The following GPRIN1 variants were observed in gnomAD, a reference collection of about 807,000 sequenced individuals.
GPRIN1 encodes G protein regulated inducer of neurite outgrowth 1.
In GPRIN1, 4 loss-of-function variants were observed where a neutral mutation model predicts 2.8. The ratio of observed to expected loss-of-function variants is 1.45; its 90% CI spans 0.71 to 3.32. GPRIN1 has a LOEUF of 3.32. Ranked by LOEUF, GPRIN1 falls within the 30% of genes most tolerant of loss-of-function variation. The pLI is 0.01. For missense variants in GPRIN1, 1,322 were observed against 1,343.4 expected (o/e 0.98, Z 0.25); for synonymous variants, 589 against 589.9 (o/e 1.00, Z 0.02).
chr5:176,606,902 C>T (rs1021812367), intron 1 of GPRIN1, among the ~76,000 whole-genome samples: 1 of 152,196 alleles, frequency 6.6e-6, no homozygotes, highest in African/African-American at 2.4e-5. Flanking sequence ...GATAACATGC[C>T]CCTTCTGAAA....
intron 1 of GPRIN1, among the ~76,000 whole-genome samples, chr5:176,601,491 A>C (rs957280782): frequency 1.2e-4 from 19 of 152,308 alleles, no homozygotes; most frequent in Admixed American, 1.2e-3. Flanking sequence ...TGGTAATGGC[A>C]GGGGCGGTCT....
intron 1 of GPRIN1, among the ~76,000 whole-genome samples, chr5:176,606,965 A>T (rs1169669725): frequency 6.6e-6 from 1 of 152,232 alleles, no homozygotes; most frequent in African/African-American, 2.4e-5. Flanking sequence ...GAGATGGGAT[A>T]AAGTCCAGGG....
intron 1 of GPRIN1, among the ~76,000 whole-genome samples, chr5:176,607,228 A>C (rs1446522211): frequency 6.6e-6 from 1 of 152,100 alleles, no homozygotes; most frequent in Non-Finnish European, 1.5e-5. Flanking sequence ...GATCTTGGGG[A>C]GGCCTGAGGA....
Position 176,599,007 on chromosome 5 carries a change from T to G in GPRIN1, c.828A>C (p.Thr276=), listed in dbSNP as rs1323997632. The change falls in exon 2 of 2, where the codon ACA becomes ACC. Residue 276 remains threonine, a synonymous_variant. Coordinates refer to ENST00000303991, the MANE Select transcript of GPRIN1 (RefSeq NM_052899.3). ...ATACAAGATCTACCTTTTCTGCAGA[T>G]GTAGGAGCGACCTTTTCTGAGGACA... is the stretch of plus-strand genomic sequence containing the variant. ...HPVSSEKVAP[T]SAEKVDLVLS... 6.2e-7 allele frequency: 1 copy of G among 1,614,028 alleles called. No homozygotes were observed. Among genetic ancestry groups the G allele is most frequent in the South Asian group, 1.1e-5 (1 of 91,086 alleles).
chr5:176,597,603 A>G lies in GPRIN1; in HGVS notation c.2232T>C (p.Ser744=), dbSNP rs757213394. The G allele has an allele frequency of 1.9e-6, 3 of 1,598,958 alleles. No individual in the cohort carries two copies. The Admixed American group carries it at 5.0e-5, about 27-fold the overall frequency. The part of the protein sequence containing the change: ...SARSPEGARG[S]EGRVEPKAEP... ...CGGCCTTCGGCTCCACGCGGCCTTCACTGCCCCTGGCACCCTCGGGAGACC... is the reference window on the plus strand; with the variant it reads ...CGGCCTTCGGCTCCACGCGGCCTTCGCTGCCCCTGGCACCCTCGGGAGACC... Residue 744 remains serine, a synonymous_variant, in exon 2 of 2, where the codon AGT becomes AGC. Transcript: ENST00000303991. This position sits in a 1 kb window ranked among gnomAD's most constrained non-coding sequence, Gnocchi z 6.1.
At chr5:176,603,301 G>A (rs1759174870) in intron 1 of GPRIN1, among the ~76,000 whole-genome samples, 1 of 152,022 alleles carries the variant, frequency 6.6e-6, no homozygotes, top group Non-Finnish European at 1.5e-5. Context: ...TCTTCTGGAG[G>A]AATCTCTCCC....
chr5:176,597,828 C>T lies in GPRIN1; in HGVS notation c.2007G>A (p.Lys669=). ...LKKETPQASE[K]VDPGSCRKAE... is the part of the protein sequence containing the mutation. ...CTTTTCTGCAGGATCCAGGATCCAC[C>T]TTCTCTGAGGCCTGTGGTGTCTCCT... The change falls in exon 2 of 2, where the codon AAG becomes AAA. Residue 669 remains lysine (K), a synonymous_variant. Coordinates refer to ENST00000303991, the MANE Select transcript of GPRIN1 (RefSeq NM_052899.3). The surrounding 1 kb of genome is among the most constrained non-coding windows in gnomAD (Gnocchi z 6.1). 6.2e-7 allele frequency: 1 copy of T among 1,611,120 alleles called. No homozygotes were observed. Among genetic ancestry groups the T allele is most frequent in the Non-Finnish European group, 8.5e-7 (1 of 1,178,610 alleles).
rs35368228 is a variant in GPRIN1, at chr5:176,607,903, C to CTTTTTT, written c.-44+2090_-44+2095dup. 2.7e-4 allele frequency among the ~76,000 whole-genome samples: 18 copies of CTTTTTT among 67,380 alleles called. 4 individuals are homozygous for CTTTTTT. The highest frequency in any genetic ancestry group is 3.9e-4 in the Non-Finnish European group (15 of 38,280). The allele number at this position is 67,380 out of a possible 152,430, so 44.2% of individuals were successfully genotyped here. ...AGATCGTGGACACTGACACTTGGCT[C>CTTTTTT]TTTTTTTTTTTTTTTTTTTTTTTTT... is the stretch of plus-strand genomic sequence containing the variant. On this transcript the variant is annotated intron_variant, in intron 1 of 1. Transcript: ENST00000303991.
Position 176,597,533 on chromosome 5 carries a change from G to C in GPRIN1, c.2302C>G (p.Leu768Val), listed in dbSNP as rs1348754210. ...CTTCTCTCGGCCCCAGCGGCTTCCA[G>C]GTCTTTCTGGCCGAGACTGGAGGCC... ...TEASSLGQKD[L>V]EAAGAERSPC... Residue 768 changes from leucine to valine, a missense_variant, in exon 2 of 2, where the codon CTG (leucine) becomes GTG (valine). Around this residue, in one of 3 missense-constraint regions of GPRIN1, gnomAD observed 1,117 missense variants for 1,128.6 expected, o/e 0.99. Coordinates refer to ENST00000303991, the MANE Select transcript of GPRIN1 (RefSeq NM_052899.3). The surrounding 1 kb of genome is among the most constrained non-coding windows in gnomAD (Gnocchi z 6.1). 5.9e-6 allele frequency: 9 copies of C among 1,522,330 alleles called. No individual in the cohort carries two copies. Among genetic ancestry groups the C allele is most frequent in the Non-Finnish European group, 7.0e-6 (8 of 1,136,896 alleles). The allele number at this position is 1,522,330 out of a possible 1,614,324, so 94.3% of individuals were successfully genotyped here. A position where few individuals can be genotyped will look rare whatever the true frequency, so the allele number is the denominator to read the frequency against.
Position 176,597,091 on chromosome 5 carries a change from CAG to C in GPRIN1, c.2742_2743del (p.Ser914ArgfsTer118). On this transcript the variant is annotated frameshift_variant, in exon 2 of 2. Coordinates refer to ENST00000303991, the MANE Select transcript of GPRIN1 (RefSeq NM_052899.3). LOFTEE classifies it high-confidence loss of function. This position sits in a 1 kb window ranked among gnomAD's most constrained non-coding sequence, Gnocchi z 6.1. ...CTCCCACGTCATGCCCTTCTCGTCC[CAG>C]CTCACGTCTCGCACGGGCTCAGCCG... The C allele has an allele frequency of 6.7e-7, 1 of 1,494,522 alleles. No individual in the cohort carries two copies. Among genetic ancestry groups the C allele is most frequent in the South Asian group, 1.3e-5 (1 of 77,916 alleles). The allele number at this position is 1,494,522 out of a possible 1,614,324, so 92.6% of individuals were successfully genotyped here.
In GPRIN1 at chr5:176,597,213, C is replaced by T. The variant is rs1233958859; in HGVS notation, c.2622G>A (p.Gly874=). Residue 874 remains glycine (G), a synonymous_variant, in exon 2 of 2, where the codon GGG becomes GGA. Coordinates refer to ENST00000303991, the MANE Select transcript of GPRIN1 (RefSeq NM_052899.3). The surrounding 1 kb of genome is among the most constrained non-coding windows in gnomAD (Gnocchi z 6.1). ...GAAETRSVAT[G]PMTPQAAAPP... ...GCGCGGCGGCTTGAGGTGTCATGGG[C>T]CCAGTGGCCACGGAGCGCGTCTCGG... The T allele has an allele frequency of 7.8e-7, 1 of 1,284,346 alleles. No individual in the cohort carries two copies. The highest frequency in any genetic ancestry group is 9.8e-7 in the Non-Finnish European group (1 of 1,016,408). 79.6% of individuals were successfully genotyped at this position (1,284,346 alleles called of 1,614,324 possible). A position where few individuals can be genotyped will look rare whatever the true frequency, so the allele number is the denominator to read the frequency against.
chr5:176,597,030 G>T lies in GPRIN1; in HGVS notation c.2805C>A (p.Gly935=). 1 of 1,499,880 alleles carries T rather than the reference G, an allele frequency of 6.7e-7. No homozygotes were observed. 92.9% of individuals were successfully genotyped at this position (1,499,880 alleles called of 1,614,324 possible). Residue 935 remains glycine, a synonymous_variant, in exon 2 of 2, where the codon GGC becomes GGA. Coordinates refer to ENST00000303991, the MANE Select transcript of GPRIN1 (RefSeq NM_052899.3). The surrounding 1 kb of genome is among the most constrained non-coding windows in gnomAD (Gnocchi z 6.1). The part of the protein sequence containing the change: ...YGAAMEVEVL[G]MAIQKHLERQ... ...GCTCCAGATGCTTCTGGATGGCCAT[G>T]CCCAGCACCTCCACCTCCATGGCGG...
In GPRIN1 at chr5:176,598,825, C is replaced by G. The variant is rs10037225; in HGVS notation, c.1010G>C (p.Gly337Ala). 2,125 of 1,613,610 alleles carry G rather than the reference C, an allele frequency of 1.3e-3. 25 individuals are homozygous for G. The African/African-American group carries it at 0.026, about 20-fold the overall frequency. Reference sequence around the variant, plus strand: ...CAGCCTTCCCAAGGACCCAGGAGCCCCGGTCCCAGAGGATACAGGCCCATT... The same window carrying G: ...CAGCCTTCCCAAGGACCCAGGAGCCGCGGTCCCAGAGGATACAGGCCCATT... ...GKNGPVSSGT[G>A]APGSLGRLDP... Residue 337 changes from glycine to alanine, a missense_variant, in exon 2 of 2, where the codon GGG becomes GCG. Around this residue, in one of 3 missense-constraint regions of GPRIN1, gnomAD observed 1,117 missense variants for 1,128.6 expected, o/e 0.99. Transcript: ENST00000303991.
At chr5:176,603,966 A>G (rs1407000524) in intron 1 of GPRIN1, among the ~76,000 whole-genome samples, 1 of 152,170 alleles carries the variant, frequency 6.6e-6, no homozygotes, top group African/African-American at 2.4e-5. Flanking sequence ...GCCCCTTCTA[A>G]AGGGGCAACG....
At chr5:176,605,186 C>T (rs1486293836) in intron 1 of GPRIN1, among the ~76,000 whole-genome samples, 6 of 151,704 alleles carry the variant, frequency 4.0e-5, no homozygotes, top group African/African-American at 9.7e-5. Flanking sequence ...CTCTGCCTCC[C>T]GGGTTCAAGC....
chr5:176,607,791 G>C (rs937585887), intron 1 of GPRIN1, among the ~76,000 whole-genome samples: 2 of 151,634 alleles, frequency 1.3e-5, no homozygotes, highest in African/African-American at 4.8e-5. Context: ...ACACAACTTG[G>C]TCAAGACTTG....
In GPRIN1 at chr5:176,598,843, G is replaced by A. The variant is rs776843312; in HGVS notation, c.992C>T (p.Pro331Leu). 1.2e-6 allele frequency: 2 copies of A among 1,613,698 alleles called. No homozygotes were observed. The highest frequency in any genetic ancestry group is 2.7e-5 in the African/African-American group (2 of 74,832). ...LIPGSSGKNG[P>L]VSSGTGAPGS... ...AGGAGCCCCGGTCCCAGAGGATACA[G>A]GCCCATTCTTGCCTGATGAGCCTGG... The change falls in exon 2 of 2, where the codon CCT (proline) becomes CTT (leucine). Residue 331 changes from proline to leucine, a missense_variant. By Grantham distance (98) the Pro-to-Leu change is moderately conservative (BLOSUM62 -3). Coordinates refer to ENST00000303991, the MANE Select transcript of GPRIN1 (RefSeq NM_052899.3).
chr5:176,598,025 C>T lies in GPRIN1; in HGVS notation c.1810G>A (p.Gly604Arg). ...SLGKAEAIPE[G>R]KVGSLPLEKG... ...TCTAGAGGCAGAGAACCCACTTTTC[C>T]CTCTGGGATAGCTTCTGCTTTTCCC... Residue 604 changes from glycine (G) to arginine (R), a missense_variant, in exon 2 of 2, where the codon GGA becomes AGA. Physicochemically the swap from Gly to Arg is moderately radical, Grantham distance 125. Transcript: ENST00000303991. 6.2e-7 allele frequency: 1 copy of T among 1,614,052 alleles called. No individual in the cohort carries two copies. The highest frequency in any genetic ancestry group is 8.5e-7 in the Non-Finnish European group (1 of 1,180,002).
At position 176,596,028 on chromosome 5, in the gene GPRIN1, G is replaced by C. The variant is rs1759026596; in HGVS notation, c.*780C>G. Reference sequence around the variant, plus strand: ...AACACCGGTCACCCAGGATGCCAGGGCCCAAGAGCTTCTGTGAGCCCAGCT... The same window carrying C: ...AACACCGGTCACCCAGGATGCCAGGCCCCAAGAGCTTCTGTGAGCCCAGCT... On this transcript the variant is annotated 3_prime_UTR_variant, in exon 2 of 2. Transcript: ENST00000303991. The surrounding 1 kb of genome is among the most constrained non-coding windows in gnomAD (Gnocchi z 5.2). 5.6e-6 allele frequency: 1 copy of C among 177,596 alleles called. No homozygotes were observed. Among genetic ancestry groups the C allele is most frequent in the Admixed American group, 6.3e-5 (1 of 15,922 alleles). The allele number at this position is 177,596 out of a possible 1,614,324, so 11.0% of individuals were successfully genotyped here.
Sources: gnomAD v4.1 joint callset for allele counts (sites outside exome capture counted in the v4.1 genomes callset) on GRCh38, gnomAD v4.1.1 for gene constraint, gnomAD v4.1.1 regional missense constraint, Gnocchi (gnomAD v3.1) non-coding constraint, MANE v1.5 for transcripts, NCBI Gene and HGNC (gene_info 2026-07-23, HGNC 2026-07-21) for gene names.